The following HEATR4 variants were observed in gnomAD, a reference collection of about 807,000 sequenced individuals.
The protein encoded by HEATR4 is HEAT repeat containing 4, also known as HEAT repeat-containing protein 4.
A neutral mutation model predicts 108.8 loss-of-function variants in HEATR4; 95 were observed. The observed-to-expected ratio is 0.87, with a 90% CI of 0.74 to 1.04. HEATR4 has a LOEUF of 1.04. Ranked by LOEUF, HEATR4 falls within the 50% of genes least tolerant of loss-of-function variation. HEATR4 has a pLI of 0.00. For missense variants in HEATR4, 1,152 were observed against 1,253.8 expected, an observed-to-expected ratio of 0.92 and a Z score of 1.23; for synonymous variants, 443 against 459.4, an observed-to-expected ratio of 0.96 and a Z score of 0.46.
At chr14:73,585,613 C>T in the HEATR4 span, among the ~76,000 whole-genome samples, 1 of 151,698 alleles carries the variant, frequency 6.6e-6, no homozygotes, top group South Asian at 2.1e-4. Context: ...CACTTGGAAC[C>T]CAGGAGGTGG....
At chr14:73,586,895 G>C in the HEATR4 span, among the ~76,000 whole-genome samples, 4 of 151,882 alleles carry the variant, frequency 2.6e-5, no homozygotes, top group Non-Finnish European at 4.4e-5. Flanking sequence ...TGTAGAGATG[G>C]AGTCTTGCTC....
chr14:73,556,434 A>C (rs1361458808), intron 1 of HEATR4, among the ~76,000 whole-genome samples: 3 of 113,664 alleles, frequency 2.6e-5, no homozygotes, highest in African/African-American at 8.5e-5. Flanking sequence ...TCAAAAAAAA[A>C]AAACAAAAAA....
the HEATR4 span, among the ~76,000 whole-genome samples, chr14:73,591,331 T>C: frequency 2.6e-5 from 4 of 152,092 alleles, no homozygotes; most frequent in Non-Finnish European, 4.4e-5. Flanking sequence ...GAAGATCACT[T>C]GAAGTCAGGA....
At chr14:73,612,917 C>T in the HEATR4 span, 3 of 1,353,650 alleles carry the variant, frequency 2.2e-6, no homozygotes, top group Non-Finnish European at 2.0e-6. Flanking sequence ...CGACACCGAG[C>T]CCGGGCGGCT....
intron 10 of HEATR4, among the ~76,000 whole-genome samples, chr14:73,505,062 C>G (rs1375432194): frequency 1.3e-5 from 2 of 151,958 alleles, no homozygotes; most frequent in African/African-American, 2.4e-5. Context: ...CTCCAAGTAG[C>G]TGGGATGACA....
At chr14:73,589,610 T>G in the HEATR4 span, among the ~76,000 whole-genome samples, 2 of 152,208 alleles carry the variant, frequency 1.3e-5, no homozygotes, top group Non-Finnish European at 2.9e-5. Flanking sequence ...TGTGCCCCTG[T>G]GCCTAGCCTA....
chr14:73,570,920 AAT>A, the HEATR4 span, among the ~76,000 whole-genome samples: 2 of 143,184 alleles, frequency 1.4e-5, no homozygotes, highest in East Asian at 2.2e-4. Flanking sequence ...AAAAAAAAAA[AAT>A]TCAGGTAGTT....
chr14:73,605,259 C>T, the HEATR4 span, among the ~76,000 whole-genome samples: 3 of 152,042 alleles, frequency 2.0e-5, no homozygotes, highest in South Asian at 2.1e-4. Context: ...TCTTATTACC[C>T]GACTCTAGCC....
At chr14:73,609,114 C>T in the HEATR4 span, among the ~76,000 whole-genome samples, 1 of 152,158 alleles carries the variant, frequency 6.6e-6, no homozygotes, top group African/African-American at 2.4e-5. Context: ...AATGCTAACC[C>T]TCTGTGTACA....
chr14:73,495,834 T>A (rs1230493724), intron 15 of HEATR4, among the ~76,000 whole-genome samples: 1 of 151,998 alleles, frequency 6.6e-6, no homozygotes, highest in Non-Finnish European at 1.5e-5. Context: ...TTTGAAAAAT[T>A]AGAACAATCC....
chr14:73,570,973 CCA>C, the HEATR4 span, among the ~76,000 whole-genome samples: 2 of 119,054 alleles, frequency 1.7e-5, no homozygotes, highest in South Asian at 2.5e-4. Context: ...GACTAGGAAG[CCA>C]CTTTTTTTTT....
the HEATR4 span, among the ~76,000 whole-genome samples, chr14:73,584,000 T>TA: frequency 7.6e-3 from 1,085 of 143,460 alleles, 15 homozygotes; most frequent in African/African-American, 0.024. Flanking sequence ...AATCTCCGTC[T>TA]AAAAAAAAAA....
intron 5 of HEATR4, among the ~76,000 whole-genome samples, chr14:73,518,360 C>T (rs546808963): frequency 2.3e-4 from 35 of 150,690 alleles, no homozygotes; most frequent in Admixed American, 1.5e-3. Context: ...GCAGAGATCA[C>T]GCCACTGCAC....
the HEATR4 span, among the ~76,000 whole-genome samples, chr14:73,583,975 T>C: frequency 6.6e-6 from 1 of 151,266 alleles, no homozygotes; most frequent in African/African-American, 2.4e-5. Flanking sequence ...CACTCCAGCC[T>C]GGGCAACAAG....
At chr14:73,608,295 G>A in the HEATR4 span, among the ~76,000 whole-genome samples, 8 of 152,172 alleles carry the variant, frequency 5.3e-5, no homozygotes, top group Admixed American at 2.6e-4. Context: ...CCTCTTGAAC[G>A]CTTTGCTGCT....
the HEATR4 span, chr14:73,612,444 C>T: frequency 1.6e-6 from 1 of 611,430 alleles, no homozygotes; most frequent in Admixed American, 4.4e-5. Context: ...GGAGCCTGTC[C>T]CCAAGTCCAA....
the HEATR4 span, among the ~76,000 whole-genome samples, chr14:73,572,471 A>G: frequency 6.6e-6 from 1 of 151,956 alleles, no homozygotes; most frequent in Non-Finnish European, 1.5e-5. Flanking sequence ...ATAAAATATT[A>G]AGGTACATAA....
intron 7 of HEATR4, among the ~76,000 whole-genome samples, chr14:73,510,150 C>T (rs961574350): frequency 1.4e-4 from 21 of 151,876 alleles, no homozygotes; most frequent in African/African-American, 4.1e-4. Flanking sequence ...CGTGTGCCAC[C>T]GCCCCCAGCT....
the HEATR4 span, among the ~76,000 whole-genome samples, chr14:73,611,958 A>C: frequency 1.3e-5 from 2 of 151,750 alleles, no homozygotes; most frequent in African/African-American, 4.8e-5. Flanking sequence ...CTTGGACTGT[A>C]TCTCTCTCAA....
Sources: gnomAD v4.1 joint callset for allele counts (sites outside exome capture counted in the v4.1 genomes callset) on GRCh38, gnomAD v4.1.1 for gene constraint, MANE v1.5 for transcripts, NCBI Gene and HGNC (gene_info 2026-07-23, HGNC 2026-07-21) for gene names.